Variants in NALCN observed in about 807,000 individuals in gnomAD.
NALCN encodes the protein sodium leak channel, non-selective, also known as sodium leak channel NALCN.
In NALCN, 111 loss-of-function variants were observed where a neutral mutation model predicts 225.3. That is an observed-to-expected ratio of 0.49 (90% confidence interval 0.42 to 0.58). The LOEUF (loss-of-function observed/expected upper bound fraction) is 0.58. NALCN is among the 20% of genes least tolerant of loss of function. NALCN has a pLI of 0.00. For missense variants in NALCN, 1,378 were observed against 2,202.4 expected, an observed-to-expected ratio of 0.63 and a Z score of 7.49; for synonymous variants, 764 against 769.0, an observed-to-expected ratio of 0.99 and a Z score of 0.11.
rs573809352 is a variant in NALCN, at chr13:101,114,720, A to G, written c.2193-3494T>C. On this transcript the variant is annotated intron_variant, in intron 18 of 43. Transcript: ENST00000251127. Reference sequence around the variant, plus strand: ...CCTGACTAAAACTGTGAGATGAAAAACGTGTTGTTTAAATCACTTAAGTTT... The same window carrying G: ...CCTGACTAAAACTGTGAGATGAAAAGCGTGTTGTTTAAATCACTTAAGTTT... Among the ~76,000 whole-genome samples the G allele has an allele frequency of 4.0e-3, 608 of 152,292 alleles. 6 individuals carry two copies. The highest frequency in any genetic ancestry group is 0.014 in the African/African-American group (587 of 41,560).
chr13:101,257,199 A>C (rs1034375158), intron 11 of NALCN, among the ~76,000 whole-genome samples: 7 of 105,536 alleles, frequency 6.6e-5, no homozygotes, highest in Non-Finnish European at 1.0e-4. Context: ...CAAAACTCTT[A>C]TTGTTTATTG....
At chr13:101,226,797 C>G (rs958778048) in intron 13 of NALCN, among the ~76,000 whole-genome samples, 6 of 152,200 alleles carry the variant, frequency 3.9e-5, no homozygotes, top group Admixed American at 6.5e-5. Flanking sequence ...CAGCTGGGAT[C>G]ATGGCCATAG....
chr13:101,075,824 A>G lies in NALCN; in HGVS notation c.3954+49T>C, dbSNP rs892421463. On this transcript the variant is annotated intron_variant, in intron 35 of 43. Coordinates refer to ENST00000251127, the MANE Select transcript of NALCN (RefSeq NM_052867.4). ...GTAATCAATTAATCACCATTCTTTC[A>G]TTAACACATATATGACCTTTAAGAT... is the stretch of plus-strand genomic sequence containing the variant. The G allele has an allele frequency of 4.0e-6, 6 of 1,495,808 alleles. No individual in the cohort carries two copies. In the African/African-American group the frequency reaches 7.0e-5, roughly 18 times the overall value. The allele number at this position is 1,495,808 out of a possible 1,614,324, so 92.7% of individuals were successfully genotyped here. A position where few individuals can be genotyped will look rare whatever the true frequency, so the allele number is the denominator to read the frequency against.
chr13:101,068,253 A>G (rs1008457506), intron 38 of NALCN, among the ~76,000 whole-genome samples: 1 of 152,182 alleles, frequency 6.6e-6, no homozygotes. Flanking sequence ...CGTAAGCACA[A>G]ACACACATTC....
At chr13:101,279,435 T>C (rs910423393) in intron 10 of NALCN, among the ~76,000 whole-genome samples, 1 of 152,232 alleles carries the variant, frequency 6.6e-6, no homozygotes, top group Non-Finnish European at 1.5e-5. Context: ...GAAGGATACA[T>C]TGAAAGAAGA....
At chr13:101,347,058 T>C (rs975078798) in intron 6 of NALCN, among the ~76,000 whole-genome samples, 1 of 152,066 alleles carries the variant, frequency 6.6e-6, no homozygotes, top group Non-Finnish European at 1.5e-5. Context: ...TTTTATAATA[T>C]GCTTTCTCTA....
At chr13:101,349,791 G>A (rs2045854461) in intron 6 of NALCN, among the ~76,000 whole-genome samples, 1 of 152,090 alleles carries the variant, frequency 6.6e-6, no homozygotes, top group Non-Finnish European at 1.5e-5. Context: ...TCGTTGTAGA[G>A]TCTTAGAGCT....
chr13:101,363,135 A>T (rs1221947527), intron 6 of NALCN, among the ~76,000 whole-genome samples: 1 of 152,174 alleles, frequency 6.6e-6, no homozygotes. Context: ...AATTGGAAGA[A>T]TCAATATTGT....
At chr13:101,299,583 T>C (rs921239613) in intron 7 of NALCN, among the ~76,000 whole-genome samples, 3 of 152,172 alleles carry the variant, frequency 2.0e-5, no homozygotes, top group Non-Finnish European at 4.4e-5. Flanking sequence ...GTCTGGATCA[T>C]GAGACAGATA....
At chr13:101,266,093 G>A (rs1023785964) in intron 10 of NALCN, among the ~76,000 whole-genome samples, 2 of 152,192 alleles carry the variant, frequency 1.3e-5, no homozygotes, top group East Asian at 1.9e-4. Context: ...CAGAGGAAAT[G>A]AGTATGATGA....
Position 101,107,615 on chromosome 13 carries a change from AG to A in NALCN, c.2457-7del. On this transcript the variant is annotated splice_region_variant and splice_polypyrimidine_tract_variant and intron_variant, in intron 21 of 43. Coordinates refer to ENST00000251127, the MANE Select transcript of NALCN (RefSeq NM_052867.4). Reference sequence around the variant, plus strand: ...GTTCCTCTTCTTGCACTTTCCTTGAAGGAGAAATTCATGGGAGAATGAGGCT... The same window carrying A: ...GTTCCTCTTCTTGCACTTTCCTTGAAGAGAAATTCATGGGAGAATGAGGCT... The A allele has an allele frequency of 6.2e-7, 1 of 1,614,084 alleles. No individual in the cohort carries two copies. The highest frequency in any genetic ancestry group is 8.5e-7 in the Non-Finnish European group (1 of 1,179,942).
At chr13:101,139,723 A>T (rs1232850910) in intron 17 of NALCN, among the ~76,000 whole-genome samples, 2 of 152,216 alleles carry the variant, frequency 1.3e-5, no homozygotes, top group East Asian at 3.9e-4. Flanking sequence ...ATACTTTATA[A>T]GGGGAACTAA....
intron 7 of NALCN, among the ~76,000 whole-genome samples, chr13:101,296,962 T>C (rs993800052): frequency 2.0e-5 from 3 of 152,230 alleles, no homozygotes; most frequent in Non-Finnish European, 2.9e-5. Flanking sequence ...GTATTGAGAA[T>C]AGTAGAGGAT....
intron 7 of NALCN, among the ~76,000 whole-genome samples, chr13:101,322,351 G>A (rs2044772953): frequency 6.6e-6 from 1 of 152,202 alleles, no homozygotes; most frequent in Admixed American, 6.5e-5. Flanking sequence ...AATGTACAAT[G>A]CACATTTTTA....
At chr13:101,220,124 C>T (rs1021392196) in intron 13 of NALCN, among the ~76,000 whole-genome samples, 8 of 152,188 alleles carry the variant, frequency 5.3e-5, no homozygotes, top group African/African-American at 1.7e-4. Context: ...AGGCAGCCTC[C>T]AAGACGGCCT....
chr13:101,143,033 C>T (rs775441467), intron 17 of NALCN, 47 bp downstream of exon 17: 9 of 1,612,826 alleles, frequency 5.6e-6, no homozygotes, highest in South Asian at 1.1e-5. Flanking sequence ...TTTTCTCAAA[C>T]ATAGATGCTT....
chr13:101,304,262 TTTTTA>T lies in NALCN; in HGVS notation c.800-11901_800-11897del, dbSNP rs1479653218. Among the ~76,000 whole-genome samples, 4 of 152,296 alleles carry T rather than the reference TTTTTA, an allele frequency of 2.6e-5. 1 individual carries two copies. The highest frequency in any genetic ancestry group is 6.8e-3 in the Middle Eastern group (2 of 294). Reference sequence around the variant, plus strand: ...TTTTTGTTATTTTATTATGTTATTATTTTTATTTTATTTTTAAATTTAAGTTCTGG... The same window carrying T: ...TTTTTGTTATTTTATTATGTTATTATTTTTATTTTTAAATTTAAGTTCTGG... On this transcript the variant is annotated intron_variant, in intron 7 of 43. Coordinates refer to ENST00000251127, the MANE Select transcript of NALCN (RefSeq NM_052867.4).
At chr13:101,413,691 C>G (rs913079603) in intron 1 of NALCN, among the ~76,000 whole-genome samples, 2 of 152,198 alleles carry the variant, frequency 1.3e-5, no homozygotes, top group Admixed American at 1.3e-4. Flanking sequence ...GCTGTTTACT[C>G]TTTTTTCTCT....
At chr13:101,060,614 T>C (rs1193746717) in intron 41 of NALCN, among the ~76,000 whole-genome samples, 2 of 152,096 alleles carry the variant, frequency 1.3e-5, no homozygotes, top group African/African-American at 2.4e-5. Context: ...AAATTACTAA[T>C]GTGGCTATTC....
Sources: allele counts gnomAD v4.1 joint callset (sites outside exome capture counted in the v4.1 genomes callset), GRCh38; gene constraint gnomAD v4.1.1; transcripts MANE v1.5; gene names NCBI Gene and HGNC (gene_info 2026-07-23, HGNC 2026-07-21).